The following TANC1 variants were observed in gnomAD, a reference collection of about 807,000 sequenced individuals.
TANC1 encodes the protein tetratricopeptide repeat, ankyrin repeat and coiled-coil containing 1.
Under a neutral mutation model 149.7 loss-of-function variants are expected in TANC1, and 77 were observed. The observed-to-expected ratio is 0.51, with a 90% CI of 0.43 to 0.62. The LOEUF (loss-of-function observed/expected upper bound fraction) is 0.62, where lower values mean the gene tolerates loss of function less well. Among genes scored for constraint, TANC1 ranks in the 20% least tolerant of loss-of-function variants. The pLI is 0.00. For synonymous variants in TANC1, 854 were observed against 925.0 expected (o/e 0.92, Z 1.39); for missense variants, 1,985 against 2,321.8 (o/e 0.85, Z 2.98).
At chr2:159,063,805 G>T (rs1156649295) in intron 2 of TANC1, among the ~76,000 whole-genome samples, 1 of 152,138 alleles carries the variant, frequency 6.6e-6, no homozygotes, top group Non-Finnish European at 1.5e-5. Flanking sequence ...TGTCTGGGAT[G>T]AGATACCAGA....
intron 19 of TANC1, among the ~76,000 whole-genome samples, chr2:159,215,884 A>C (rs959288906): frequency 6.6e-6 from 1 of 151,454 alleles, no homozygotes; most frequent in Non-Finnish European, 1.5e-5. Context: ...CTGATTGACT[A>C]TGCCACTTTC....
intron 1 of TANC1, among the ~76,000 whole-genome samples, chr2:158,995,246 G>A (rs866759352): frequency 3.9e-5 from 6 of 152,208 alleles, no homozygotes; most frequent in African/African-American, 9.6e-5. Flanking sequence ...TGGCTGGGGG[G>A]GCGCTCAGTT....
At chr2:159,066,193 A>C in intron 3 of TANC1, among the ~76,000 whole-genome samples, 1 of 152,234 alleles carries the variant, frequency 6.6e-6, no homozygotes, top group East Asian at 1.9e-4. Context: ...GGATTGCTTG[A>C]GGCTAGGAGT....
At chr2:159,087,803 G>A (rs940475776) in intron 3 of TANC1, among the ~76,000 whole-genome samples, 1 of 150,608 alleles carries the variant, frequency 6.6e-6, no homozygotes, top group Non-Finnish European at 1.5e-5. Flanking sequence ...ATCCTGTTTG[G>A]AAATTTGCTC....
chr2:159,065,209 C>T (rs1442778971), intron 2 of TANC1, among the ~76,000 whole-genome samples: 1 of 152,192 alleles, frequency 6.6e-6, no homozygotes, highest in Non-Finnish European at 1.5e-5. Flanking sequence ...TACAACCCTG[C>T]TTAAAGATAC....
At chr2:159,040,587 C>T (rs545192505) in intron 2 of TANC1, among the ~76,000 whole-genome samples, 12 of 152,294 alleles carry the variant, frequency 7.9e-5, no homozygotes, top group African/African-American at 1.2e-4. Context: ...ATGTAGTTCT[C>T]GTGCCATGAT....
intron 19 of TANC1, among the ~76,000 whole-genome samples, chr2:159,210,424 A>G (rs752251126): frequency 6.6e-6 from 1 of 152,194 alleles, no homozygotes; most frequent in Non-Finnish European, 1.5e-5. Flanking sequence ...CAAGTTGACA[A>G]TTGAGTTTTT....
chr2:159,138,853 T>G (rs2051057869), intron 5 of TANC1, among the ~76,000 whole-genome samples: 1 of 152,232 alleles, frequency 6.6e-6, no homozygotes, highest in African/African-American at 2.4e-5. Flanking sequence ...TGAAATACTT[T>G]CCTGCCTCAC....
intron 2 of TANC1, among the ~76,000 whole-genome samples, chr2:159,002,992 G>A (rs1444805264): frequency 1.3e-5 from 2 of 152,216 alleles, no homozygotes; most frequent in Non-Finnish European, 1.5e-5. Context: ...TAACCTCCAG[G>A]TGTAAATAGA....
chr2:159,192,355 C>T (rs2057511139), intron 16 of TANC1, among the ~76,000 whole-genome samples: 1 of 152,044 alleles, frequency 6.6e-6, no homozygotes. Context: ...TGCCATGTTG[C>T]CCATGTTGGT....
At chr2:159,148,977 A>T in intron 5 of TANC1, 165 bp from the exon 6 acceptor site, 1 of 724,716 alleles carries the variant, frequency 1.4e-6, no homozygotes, top group Non-Finnish European at 2.3e-6. Context: ...ACAGTCCCTT[A>T]ATTAGAATGT....
chr2:159,123,242 G>A (rs796407990), intron 4 of TANC1, among the ~76,000 whole-genome samples: 3 of 152,106 alleles, frequency 2.0e-5, no homozygotes, highest in African/African-American at 4.8e-5. Context: ...GCTCCCTTCC[G>A]ATGGTGATTT....
chr2:159,024,980 A>G (rs1464509666), intron 2 of TANC1, among the ~76,000 whole-genome samples: 1 of 152,140 alleles, frequency 6.6e-6, no homozygotes, highest in Non-Finnish European at 1.5e-5. Flanking sequence ...TCGCACAGCA[A>G]TGCTGATGCT....
At chr2:159,099,100 T>C (rs1017073490) in intron 4 of TANC1, among the ~76,000 whole-genome samples, 52 of 152,354 alleles carry the variant, frequency 3.4e-4, no homozygotes, top group African/African-American at 1.3e-3. Context: ...AGGCTCTGAA[T>C]GTTAGAAACG....
chr2:159,172,305 A>T (rs750555492), intron 11 of TANC1, 33 bp downstream of exon 11: 1 of 1,599,738 alleles, frequency 6.3e-7, no homozygotes, highest in African/African-American at 1.3e-5. Context: ...AGCCTTCCAC[A>T]TAGAGAGATT....
rs375353302 is a variant in TANC1 at position 159,025,188 on chromosome 2, CT to C, written c.-16+24003del. On this transcript the variant is annotated intron_variant, in intron 2 of 26. Coordinates refer to ENST00000263635, the MANE Select transcript of TANC1 (RefSeq NM_033394.3). ...TTTCTTTCTTTCTTTCTTTTTCTTT[CT>C]TTTCTTTCTTTCTTTCTTTCTTTCT... Among the ~76,000 whole-genome samples, 435 of 52,034 alleles carry C rather than the reference CT, an allele frequency of 8.4e-3. 6 individuals are homozygous for C. Among genetic ancestry groups the C allele is most frequent in the Middle Eastern group, 0.02 (2 of 98 alleles). The allele number at this position is 52,034 out of a possible 152,430, so 34.1% of individuals were successfully genotyped here.
chr2:159,171,926 G>A (rs141310380), intron 10 of TANC1, among the ~76,000 whole-genome samples, 195 bp from the exon 11 acceptor site: 62 of 151,716 alleles, frequency 4.1e-4, no homozygotes, highest in Middle Eastern at 6.8e-3. Flanking sequence ...GTACACTGAT[G>A]GCTGTTCTCC....
At position 159,178,554 on chromosome 2, in the gene TANC1, A is replaced by G; in HGVS notation, c.1903-2A>G. 1 of 1,551,852 alleles carries G rather than the reference A, an allele frequency of 6.4e-7. No individual in the cohort carries two copies. The highest frequency in any genetic ancestry group is 8.7e-7 in the Non-Finnish European group (1 of 1,151,486). On this transcript the variant is annotated splice_acceptor_variant, in intron 13 of 26. Transcript: ENST00000263635. LOFTEE classifies it high-confidence loss of function. ...ACTGTGGGTTTTTGTTTTCTCCCCCAGGAAATCATAAGTGCGCTGCCATTT... is the reference window on the plus strand; with the variant it reads ...ACTGTGGGTTTTTGTTTTCTCCCCCGGGAAATCATAAGTGCGCTGCCATTT...
intron 4 of TANC1, among the ~76,000 whole-genome samples, chr2:159,134,818 C>T (rs1404622058): frequency 6.6e-6 from 1 of 151,554 alleles, no homozygotes; most frequent in East Asian, 2.0e-4. Context: ...ACCAGGTCTT[C>T]ACTGTGTTGC....
Sources: gnomAD v4.1 joint callset for allele counts (sites outside exome capture counted in the v4.1 genomes callset) on GRCh38, gnomAD v4.1.1 for gene constraint, MANE v1.5 for transcripts, NCBI Gene and HGNC (gene_info 2026-07-23, HGNC 2026-07-21) for gene names.